SP100: variants seen among roughly 807,000 people sequenced by gnomAD.
The protein encoded by SP100 is SP100 nuclear body protein.
SP100 carries 84 observed loss-of-function variants against 130.0 expected under a neutral mutation model. The ratio of observed to expected loss-of-function variants is 0.65; its 90% CI spans 0.54 to 0.77. The LOEUF (loss-of-function observed/expected upper bound fraction) is 0.77, where lower values mean the gene tolerates loss of function less well. Among genes scored for constraint, SP100 ranks in the 30% least tolerant of loss-of-function variants. The pLI, the probability that SP100 is intolerant of heterozygous loss-of-function variation, is 0.00. For missense variants in SP100, 978 were observed against 1,052.2 expected, an observed-to-expected ratio of 0.93 and a Z score of 0.97; for synonymous variants, 331 against 351.7, an observed-to-expected ratio of 0.94 and a Z score of 0.66.
At position 230,443,665 on chromosome 2, in the gene SP100, A is replaced by G. The variant is rs150716351; in HGVS notation, c.271-513A>G. Among the ~76,000 whole-genome samples, 1,404 of 152,230 alleles carry G rather than the reference A, an allele frequency of 9.2e-3. 23 individuals carry two copies. Among genetic ancestry groups the G allele is most frequent in the African/African-American group, 0.032 (1,345 of 41,532 alleles). ...TTGTGCATTTCTGGAGTCTTGGAAT[A>G]TGGGTAAATTCCACCCATAGGCCCT... On this transcript the variant is annotated intron_variant, in intron 3 of 28. Transcript: ENST00000340126.
intron 2 of SP100, among the ~76,000 whole-genome samples, chr2:230,423,342 T>C (rs1336211712): frequency 6.6e-6 from 1 of 152,186 alleles, no homozygotes; most frequent in Non-Finnish European, 1.5e-5. Context: ...TCTCTGAAGA[T>C]GTGTCCTTTT....
intron 10 of SP100, chr2:230,463,865 T>G (rs1678202): frequency 0.26 from 100,511 of 383,250 alleles, 14,891 homozygotes; most frequent in Middle Eastern, 0.35. Flanking sequence ...GCAAGGCAAA[T>G]ATTCCCTCTG....
At chr2:230,418,024 GT>G (rs2062661345) in intron 2 of SP100, among the ~76,000 whole-genome samples, 1 of 151,998 alleles carries the variant, frequency 6.6e-6, no homozygotes, top group African/African-American at 2.4e-5. Flanking sequence ...AGCACTCTTA[GT>G]TTTTACAATT....
intron 17 of SP100, among the ~76,000 whole-genome samples, chr2:230,489,935 A>G (rs1231260023): frequency 6.6e-6 from 1 of 152,170 alleles, no homozygotes; most frequent in East Asian, 1.9e-4. Flanking sequence ...ACTTCCAATT[A>G]TGTGGTCAAT....
At chr2:230,509,168 G>T (rs925223824) in intron 23 of SP100, 43 of 152,208 alleles carry the variant, frequency 2.8e-4, no homozygotes, top group African/African-American at 9.4e-4. Flanking sequence ...TCATAGACCA[G>T]TGGTCTTCAT....
intron 24 of SP100, among the ~76,000 whole-genome samples, chr2:230,534,517 T>C (rs1691842274): frequency 6.6e-6 from 1 of 152,194 alleles, no homozygotes; most frequent in Admixed American, 6.5e-5. Context: ...TTTCCAAGAG[T>C]AAAAATTTCA....
rs757062256 is a variant in SP100 at position 230,462,474 on chromosome 2, A to T, written c.1013A>T (p.Asp338Val). 6.2e-7 allele frequency: 1 copy of T among 1,613,896 alleles called. No homozygotes were observed. The highest frequency in any genetic ancestry group is 8.5e-7 in the Non-Finnish European group (1 of 1,179,894). The change falls in exon 10 of 29, where the codon GAT becomes GTT. Residue 338 changes from aspartate (D) to valine (V), a missense_variant. Transcript: ENST00000340126. The stretch of plus-strand genomic sequence containing the variant: ...GACTCTGAAGGATCCACTGACGTTG[A>T]TGAGCCCTTAGAAGTCTTCATCTCA... ...SEDSEGSTDV[D>V]EPLEVFISAP...
intron 18 of SP100, among the ~76,000 whole-genome samples, chr2:230,496,695 T>C (rs1020439564): frequency 6.6e-6 from 1 of 152,210 alleles, no homozygotes; most frequent in African/African-American, 2.4e-5. Flanking sequence ...AGAGAACCTC[T>C]CAACCAAAGT....
chr2:230,439,584 GT>G (rs535945396), intron 2 of SP100, among the ~76,000 whole-genome samples: 4 of 151,430 alleles, frequency 2.6e-5, no homozygotes, highest in Non-Finnish European at 4.4e-5. Flanking sequence ...GTTTTGCTTT[GT>G]TTTTTTGGTT....
At chr2:230,420,367 TTTTCTTTTTC>T (rs1387764004) in intron 2 of SP100, among the ~76,000 whole-genome samples, 1 of 152,214 alleles carries the variant, frequency 6.6e-6, no homozygotes, top group African/African-American at 2.4e-5. Flanking sequence ...ACCTGTATAC[TTTTCTTTTTC>T]TTTCTTTTTT....
rs1384193579 is a variant in SP100 at position 230,464,139 on chromosome 2, A to G, written c.1130A>G (p.Gln377Arg). The G allele has an allele frequency of 3.7e-6, 6 of 1,603,162 alleles. No homozygotes were observed. The South Asian group carries it at 4.4e-5, about 12-fold the overall frequency. The change falls in exon 11 of 29, where the codon CAG becomes CGG. Residue 377 changes from glutamine to arginine, a missense_variant. Transcript: ENST00000340126. ...CAAGAAGCCACTTGCTCACGACCCC[A>G]GATTGTACCAGGTAAGAATATTAGA... ...EGQEATCSRP[Q>R]IVPEPMDFRK... is the part of the protein sequence containing the mutation.
rs1422011251 is a variant in SP100, at chr2:230,544,914, T to C, written c.*1968T>C. Among the ~76,000 whole-genome samples the C allele has an allele frequency of 6.6e-6, 1 of 152,200 alleles. No homozygotes were observed. Among genetic ancestry groups the C allele is most frequent in the Non-Finnish European group, 1.5e-5 (1 of 68,038 alleles). On this transcript the variant is annotated 3_prime_UTR_variant, in exon 29 of 29. Coordinates refer to ENST00000340126, the MANE Select transcript of SP100 (RefSeq NM_001080391.2). ...CATCTCACACCAGTCAAAATGCCTC[T>C]TTCTAAAAAGTCAAAAAATAACAGC...
At chr2:230,508,311 C>CTTTTTTTTT (rs10636838) in intron 23 of SP100, 3 of 148,216 alleles carry the variant, frequency 2.0e-5, no homozygotes, top group Non-Finnish European at 2.5e-5. Flanking sequence ...AAATGCCATA[C>CTTTTTTTTT]TTTTTTTTTT....
chr2:230,496,769 G>A (rs1227080421), intron 18 of SP100, among the ~76,000 whole-genome samples: 2 of 152,096 alleles, frequency 1.3e-5, no homozygotes, highest in African/African-American at 4.8e-5. Context: ...GCTCTGGGAG[G>A]TCCACACTAC....
chr2:230,447,962 A>G (rs1378742403), intron 5 of SP100, among the ~76,000 whole-genome samples: 1 of 152,208 alleles, frequency 6.6e-6, no homozygotes, highest in Non-Finnish European at 1.5e-5. Context: ...TTACCTCATT[A>G]ACATAAACCC....
chr2:230,464,455 G>A (rs2064829268), intron 11 of SP100, among the ~76,000 whole-genome samples: 1 of 152,142 alleles, frequency 6.6e-6, no homozygotes, highest in African/African-American at 2.4e-5. Context: ...ATTATTTCAA[G>A]AGTTGAAATA....
intron 24 of SP100, among the ~76,000 whole-genome samples, chr2:230,536,385 T>C (rs941578147): frequency 2.0e-5 from 3 of 152,152 alleles, no homozygotes; most frequent in African/African-American, 7.2e-5. Context: ...ATAAATCTGA[T>C]TTTTACAGTT....
intron 17 of SP100, among the ~76,000 whole-genome samples, chr2:230,478,640 C>G (rs1473537732): frequency 6.6e-6 from 1 of 152,022 alleles, no homozygotes; most frequent in Admixed American, 6.6e-5. Flanking sequence ...GGGGCCTTTC[C>G]TTTCATCTCC....
rs5839370 is a variant in SP100 at position 230,499,467 on chromosome 2, ACTCT to A, written c.1720+952_1720+955del. Among the ~76,000 whole-genome samples the A allele has an allele frequency of 6.4e-4, 19 of 29,544 alleles. 1 individual carries two copies. Among genetic ancestry groups the A allele is most frequent in the African/African-American group, 1.8e-3 (9 of 4,884 alleles). 19.4% of individuals were successfully genotyped at this position (29,544 alleles called of 152,430 possible). The stretch of plus-strand genomic sequence containing the variant: ...TCTCTGGCCACATAACTTCATATAG[ACTCT>A]CTCTCTCTCTCTCTCTCTCCCCCTA... On this transcript the variant is annotated intron_variant, in intron 19 of 28. Coordinates refer to ENST00000340126, the MANE Select transcript of SP100 (RefSeq NM_001080391.2).
Sources: allele counts gnomAD v4.1 joint callset (sites outside exome capture counted in the v4.1 genomes callset), GRCh38; gene constraint gnomAD v4.1.1; transcripts MANE v1.5; gene names NCBI Gene and HGNC (gene_info 2026-07-23, HGNC 2026-07-21).